Variants in DDX6 observed in about 807,000 individuals in gnomAD.
DDX6 encodes DEAD-box helicase 6, also known as probable ATP-dependent RNA helicase DDX6.
Under a neutral mutation model 60.6 loss-of-function variants are expected in DDX6, and 7 were observed. The observed-to-expected ratio is 0.12, with a 90% CI of 0.07 to 0.22. The LOEUF (loss-of-function observed/expected upper bound fraction) is 0.22, where lower values mean the gene tolerates loss of function less well. Ranked by LOEUF, DDX6 falls within the 10% of genes least tolerant of loss-of-function variation. The pLI, the probability that DDX6 is intolerant of heterozygous loss-of-function variation, is 1.00. For missense variants in DDX6, 270 were observed against 589.9 expected, an observed-to-expected ratio of 0.46 and a Z score of 5.62; for synonymous variants, 207 against 201.0, an observed-to-expected ratio of 1.03 and a Z score of -0.25.
Position 118,759,918 on chromosome 11 carries a change from T to C in DDX6, c.864+4A>G. Reference sequence around the variant, plus strand: ...ACTGATTCCAAGTACAGATTTATACTCACCATGAACTTCTGTACACTAAGA... The same window carrying C: ...ACTGATTCCAAGTACAGATTTATACCCACCATGAACTTCTGTACACTAAGA... On this transcript the variant is annotated splice_donor_region_variant and intron_variant, in intron 8 of 13. Transcript: ENST00000534980. The C allele has an allele frequency of 6.2e-7, 1 of 1,611,962 alleles. No individual in the cohort carries two copies. The highest frequency in any genetic ancestry group is 8.5e-7 in the Non-Finnish European group (1 of 1,179,352).
intron 4 of DDX6, among the ~76,000 whole-genome samples, chr11:118,778,075 A>C (rs1323005567): frequency 6.6e-6 from 1 of 152,066 alleles, no homozygotes; most frequent in African/African-American, 2.4e-5. Flanking sequence ...CCATACTGAT[A>C]ACAGATATAT....
chr11:118,784,511 T>G (rs1862009302), intron 2 of DDX6, among the ~76,000 whole-genome samples: 1 of 151,034 alleles, frequency 6.6e-6, no homozygotes, highest in Non-Finnish European at 1.5e-5. Flanking sequence ...CAGGCTGGAG[T>G]GCAGTGACAC....
chr11:118,765,548 G>A (rs1159580746), intron 5 of DDX6, among the ~76,000 whole-genome samples, 193 bp from the exon 6 acceptor site: 1 of 152,152 alleles, frequency 6.6e-6, no homozygotes, highest in Non-Finnish European at 1.5e-5. Context: ...GCCAAGGTGG[G>A]CAGATCACCT....
intron 10 of DDX6, among the ~76,000 whole-genome samples, chr11:118,756,525 T>C (rs2137421120): frequency 6.6e-6 from 1 of 152,062 alleles, no homozygotes; most frequent in South Asian, 2.1e-4. Context: ...TTTCATAATG[T>C]AGTTAACAAA....
intron 2 of DDX6, among the ~76,000 whole-genome samples, chr11:118,785,344 T>C (rs1306447708): frequency 1.3e-5 from 2 of 152,046 alleles, no homozygotes; most frequent in African/African-American, 2.4e-5. Flanking sequence ...GTTCCCTTTT[T>C]ATATGTAAAA....
intron 12 of DDX6, 62 bp downstream of exon 12, chr11:118,755,340 T>G: frequency 2.1e-6 from 2 of 957,366 alleles, no homozygotes; most frequent in Non-Finnish European, 3.3e-6. Flanking sequence ...AAGAACAAAA[T>G]TTAGTCATTA....
In DDX6 at chr11:118,750,304, T is replaced by C. The variant is rs1350875888; in HGVS notation, c.*1801A>G. 19 of 152,394 alleles carry C rather than the reference T, an allele frequency of 1.2e-4. No homozygotes were observed. Among genetic ancestry groups the C allele is most frequent in the African/African-American group, 4.6e-4 (19 of 41,428 alleles). The allele number at this position is 152,394 out of a possible 1,614,324, so 9.4% of individuals were successfully genotyped here. A position where few individuals can be genotyped will look rare whatever the true frequency, so the allele number is the denominator to read the frequency against. ...CTGGTTTTGATTCATCTCACTCCTT[T>C]TGCCTGGAGATCAGGCCAAACATCA... On this transcript the variant is annotated 3_prime_UTR_variant, in exon 14 of 14. Coordinates refer to ENST00000534980, the MANE Select transcript of DDX6 (RefSeq NM_004397.6).
rs71044492 is a variant in DDX6, at chr11:118,780,114, CAAAAAAA to C, written c.265-385_265-379del. 6.0e-4 allele frequency among the ~76,000 whole-genome samples: 24 copies of C among 40,284 alleles called. No individual in the cohort carries two copies. The South Asian group carries it at 6.8e-3, about 11-fold the overall frequency. The allele number at this position is 40,284 out of a possible 152,430, so 26.4% of individuals were successfully genotyped here. A position where few individuals can be genotyped will look rare whatever the true frequency, so the allele number is the denominator to read the frequency against. Reference sequence around the variant, plus strand: ...GGGGGGACAGAGCCAGACTCTATCTCAAAAAAAAAAAAAAAAAAAAAAAAAAAGGAAA... The same window carrying C: ...GGGGGGACAGAGCCAGACTCTATCTCAAAAAAAAAAAAAAAAAAAAGGAAA... On this transcript the variant is annotated intron_variant, in intron 3 of 13. Coordinates refer to ENST00000534980, the MANE Select transcript of DDX6 (RefSeq NM_004397.6).
intron 4 of DDX6, among the ~76,000 whole-genome samples, chr11:118,769,120 C>T (rs141543346): frequency 6.6e-6 from 1 of 151,700 alleles, no homozygotes; most frequent in East Asian, 1.9e-4. Flanking sequence ...GGTGAGACCC[C>T]ATCTCTACAA....
chr11:118,780,787 T>G (rs1226294120), intron 3 of DDX6, among the ~76,000 whole-genome samples: 1 of 152,204 alleles, frequency 6.6e-6, no homozygotes, highest in Non-Finnish European at 1.5e-5. Flanking sequence ...ACTGACACTT[T>G]GGGCCACAAA....
At chr11:118,790,873 G>A (rs1862253537) in intron 1 of DDX6, 1 of 152,702 alleles carries the variant, frequency 6.5e-6, no homozygotes, top group African/African-American at 2.4e-5. Context: ...TCGCGACTCG[G>A]GCCCGTGTCC....
intron 13 of DDX6, among the ~76,000 whole-genome samples, chr11:118,753,618 G>A (rs542293467): frequency 2.1e-3 from 318 of 152,114 alleles, no homozygotes; most frequent in African/African-American, 7.4e-3. Flanking sequence ...GATTACAGGT[G>A]TGAGCCACCG....
At chr11:118,758,712 G>A in intron 9 of DDX6, 62 bp downstream of exon 9, 1 of 1,581,158 alleles carries the variant, frequency 6.3e-7, no homozygotes, top group Non-Finnish European at 8.6e-7. Flanking sequence ...GAAAATTGAT[G>A]AAATCATCTG....
chr11:118,757,339 G>A, intron 9 of DDX6, 52 bp from the exon 10 acceptor site: 1 of 1,063,178 alleles, frequency 9.4e-7, no homozygotes, highest in Non-Finnish European at 1.3e-6. Context: ...CCTTCATTTG[G>A]TTTGCCAAAT....
rs1188980693 is a variant in DDX6, at chr11:118,751,032, C to T, written c.*1073G>A. 2 of 149,586 alleles carry T rather than the reference C, an allele frequency of 1.3e-5. No individual in the cohort carries two copies. Among genetic ancestry groups the T allele is most frequent in the Non-Finnish European group, 3.0e-5 (2 of 67,542 alleles). The allele number at this position is 149,586 out of a possible 1,614,324, so 9.3% of individuals were successfully genotyped here. On this transcript the variant is annotated 3_prime_UTR_variant, in exon 14 of 14. Transcript: ENST00000534980. Reference sequence around the variant, plus strand: ...ATAATCACTCTAATCCCCTTAATCCCAGCAACCTTCATCCAAAAAAAAATA... The same window carrying T: ...ATAATCACTCTAATCCCCTTAATCCTAGCAACCTTCATCCAAAAAAAAATA...
chr11:118,788,043 G>C (rs1862136062), intron 1 of DDX6: 1 of 151,540 alleles, frequency 6.6e-6, no homozygotes, highest in African/African-American at 2.4e-5. Flanking sequence ...GGGCACGGTA[G>C]CTCACGCCTG....
At chr11:118,775,731 A>G (rs1259081409) in intron 4 of DDX6, among the ~76,000 whole-genome samples, 2 of 152,244 alleles carry the variant, frequency 1.3e-5, no homozygotes, top group African/African-American at 4.8e-5. Flanking sequence ...AAGTGGCTGA[A>G]GAGTTAATTG....
At chr11:118,771,612 G>A (rs781889059) in intron 4 of DDX6, among the ~76,000 whole-genome samples, 2 of 152,214 alleles carry the variant, frequency 1.3e-5, no homozygotes, top group Non-Finnish European at 2.9e-5. Context: ...GGAACTGCCA[G>A]GGAGAAGGCA....
intron 4 of DDX6, among the ~76,000 whole-genome samples, chr11:118,777,036 G>C (rs1017624369): frequency 2.0e-5 from 3 of 151,806 alleles, no homozygotes; most frequent in African/African-American, 7.3e-5. Flanking sequence ...TCTCTGCTTG[G>C]AACACAGCTC....
Sources: allele counts gnomAD v4.1 joint callset (sites outside exome capture counted in the v4.1 genomes callset), GRCh38; gene constraint gnomAD v4.1.1; transcripts MANE v1.5; gene names NCBI Gene and HGNC (gene_info 2026-07-23, HGNC 2026-07-21).